The following USP36 variants were observed in gnomAD, a reference collection of about 807,000 sequenced individuals.
USP36 encodes ubiquitin specific peptidase 36, also known as ubiquitin carboxyl-terminal hydrolase 36.
In USP36, 59 loss-of-function variants were observed where a neutral mutation model predicts 111.5. That is an observed-to-expected ratio of 0.53 (90% CI 0.43 to 0.66). USP36 has a LOEUF of 0.66. USP36 is among the 30% of genes least tolerant of loss of function. USP36 has a pLI of 0.00. For missense variants in USP36, 1,488 were observed against 1,468.0 expected, an observed-to-expected ratio of 1.01 and a Z score of -0.22; for synonymous variants, 628 against 581.0, an observed-to-expected ratio of 1.08 and a Z score of -1.16.
At chr17:78,829,885 C>T (rs2067925781) in intron 4 of USP36, among the ~76,000 whole-genome samples, 1 of 152,184 alleles carries the variant, frequency 6.6e-6, no homozygotes, top group South Asian at 2.1e-4. Flanking sequence ...GGACTACAGG[C>T]TCGTGCCACC....
chr17:78,822,126 C>T, intron 6 of USP36, 122 bp from the exon 7 acceptor site: 1 of 1,127,762 alleles, frequency 8.9e-7, no homozygotes, highest in South Asian at 1.3e-5. Flanking sequence ...AAACTCCACC[C>T]CCCACCCGAG....
intron 2 of USP36, 139 bp downstream of exon 2, chr17:78,838,448 G>A (rs1249540331): frequency 6.6e-6 from 1 of 150,670 alleles, no homozygotes; most frequent in Non-Finnish European, 1.5e-5. Flanking sequence ...AGCATTATAA[G>A]TTGTCTGATT....
chr17:78,832,385 T>C (rs989266315), intron 4 of USP36, among the ~76,000 whole-genome samples: 2 of 151,978 alleles, frequency 1.3e-5, no homozygotes, highest in Admixed American at 1.3e-4. Context: ...TCCAGTGGGG[T>C]GCAGGAAAAA....
intron 13 of USP36, among the ~76,000 whole-genome samples, chr17:78,808,384 AG>A (rs1258824102): frequency 6.6e-6 from 1 of 152,090 alleles, no homozygotes; most frequent in African/African-American, 2.4e-5. Flanking sequence ...CCAACTGGCT[AG>A]GACTATAGGA....
chr17:78,832,112 A>G (rs1599099015), intron 4 of USP36, among the ~76,000 whole-genome samples: 3 of 152,330 alleles, frequency 2.0e-5, no homozygotes, highest in Admixed American at 2.0e-4. Context: ...AAGTCAATCC[A>G]TGACTACACG....
chr17:78,798,440 T>G lies in USP36; in HGVS notation c.3352A>C (p.Ser1118Arg). Residue 1118 changes from serine (S) to arginine (R), a missense_variant, in exon 20 of 21, where the codon AGC (serine) becomes CGC (arginine). By Grantham distance (110) the Ser-to-Arg change is moderately radical. This residue lies in a region of USP36 where 1,073 missense variants were observed against 994.1 expected (regional missense o/e 1.08). Coordinates refer to ENST00000449938, the MANE Select transcript of USP36 (RefSeq NM_001385174.1). This position sits in a 1 kb window ranked among gnomAD's most constrained non-coding sequence, Gnocchi z 5.1. ...CACAGTCAGCGGCGATAGCTGAGGC[T>G]GGCAGCCTTTGCTGGGTGAGTCACA... Reference protein sequence around the residue: ...WSVTHPAKAASLSYRR With the variant: ...WSVTHPAKAARLSYRR 1 of 1,614,150 alleles carries G rather than the reference T, an allele frequency of 6.2e-7. No homozygotes were observed. The highest frequency in any genetic ancestry group is 8.5e-7 in the Non-Finnish European group (1 of 1,180,026).
intron 17 of USP36, among the ~76,000 whole-genome samples, chr17:78,799,981 G>A (rs2093700872): frequency 6.8e-6 from 1 of 148,136 alleles, no homozygotes; most frequent in African/African-American, 2.5e-5. Context: ...CAAGGTGCTG[G>A]GATTACAGGC....
In USP36 at chr17:78,812,925, C is replaced by A. The variant is rs1349856435; in HGVS notation, c.1342G>T (p.Val448Leu). ...GSSSLPGRPS[V>L]IPDHSKKNIG... ...TTCTTCTTGGAGTGATCTGGAATCA[C>A]ACTCGGGCGGCCGGGAAGGGAGGAG... is the stretch of plus-strand genomic sequence containing the variant. The change falls in exon 13 of 21, where the codon GTG becomes TTG. Residue 448 changes from valine to leucine, a missense_variant. Physicochemically the swap from Val to Leu is conservative, Grantham distance 32. Transcript: ENST00000449938. 6.2e-7 allele frequency: 1 copy of A among 1,613,936 alleles called. No individual in the cohort carries two copies. Among genetic ancestry groups the A allele is most frequent in the South Asian group, 1.1e-5 (1 of 91,076 alleles).
At chr17:78,800,238 T>C (rs1156253062) in intron 17 of USP36, among the ~76,000 whole-genome samples, 2 of 151,894 alleles carry the variant, frequency 1.3e-5, no homozygotes, top group African/African-American at 2.4e-5. Context: ...CCACCTCACC[T>C]ACGGGAGAGG....
At chr17:78,826,657 T>A (rs937419670) in intron 6 of USP36, 14 of 172,024 alleles carry the variant, frequency 8.1e-5, no homozygotes, top group African/African-American at 3.3e-4. Context: ...TTTTCTTTGG[T>A]CTGAACCTAT....
intron 4 of USP36, among the ~76,000 whole-genome samples, chr17:78,834,270 C>G (rs2068435404): frequency 1.3e-5 from 2 of 151,146 alleles, no homozygotes; most frequent in South Asian, 2.1e-4. Context: ...ACAGAAATAA[C>G]ATTGTCTCTG....
chr17:78,833,345 G>C (rs1237410778), intron 4 of USP36, among the ~76,000 whole-genome samples: 1 of 151,852 alleles, frequency 6.6e-6, no homozygotes, highest in Non-Finnish European at 1.5e-5. Context: ...GCAGTGGTGT[G>C]ATCTCAGCTC....
intron 7 of USP36, chr17:78,821,272 A>C: frequency 2.0e-6 from 1 of 505,740 alleles, no homozygotes. Context: ...CTTTGCACTC[A>C]CAGGGCCCTC....
downstream of USP36, among the ~76,000 whole-genome samples, chr17:78,794,681 T>C (rs2093608596): frequency 2.0e-5 from 3 of 152,054 alleles, no homozygotes; most frequent in African/African-American, 7.2e-5. Context: ...CCCAGCACTT[T>C]GGGAGGCCAA....
chr17:78,798,846 G>A lies in USP36; in HGVS notation c.3240+62C>T. On this transcript the variant is annotated intron_variant, in intron 19 of 20. Transcript: ENST00000449938. This position sits in a 1 kb window ranked among gnomAD's most constrained non-coding sequence, Gnocchi z 5.1. ...ACTGCCGCCACCTCCAACTGCCCCG[G>A]CTCTGAGCTGAGCCACGCCGCCCTG... is the stretch of plus-strand genomic sequence containing the variant. 2 of 1,586,562 alleles carry A rather than the reference G, an allele frequency of 1.3e-6. No individual in the cohort carries two copies. Among genetic ancestry groups the A allele is most frequent in the South Asian group, 1.1e-5 (1 of 90,278 alleles).
At chr17:78,811,173 G>GGGTCCACCCCACTTCAAATGATCACT (rs2094046363) in intron 13 of USP36, among the ~76,000 whole-genome samples, 1 of 137,564 alleles carries the variant, frequency 7.3e-6, no homozygotes, top group African/African-American at 2.7e-5. Context: ...TCATCAAGAG[G>GGGTCCACCCCACTTCAAATGATCACT]GTCCACCCCA....
At chr17:78,821,899 T>A in intron 7 of USP36, 38 bp downstream of exon 7, 1 of 1,612,248 alleles carries the variant, frequency 6.2e-7, no homozygotes, top group South Asian at 1.1e-5. Flanking sequence ...CATGTTCTAA[T>A]CCTGGCAAGA....
rs2093664626 is a variant in USP36, at chr17:78,798,387, C to A, written c.*20+13G>T. 6.2e-6 allele frequency: 10 copies of A among 1,613,362 alleles called. No individual in the cohort carries two copies. The highest frequency in any genetic ancestry group is 8.5e-6 in the Non-Finnish European group (10 of 1,179,972). The stretch of plus-strand genomic sequence containing the variant: ...CCCCACCTCACCCTTACACCCACCC[C>A]CTCGGAACCGACCTCCTTCCACAGG... On this transcript the variant is annotated intron_variant, in intron 20 of 20. Transcript: ENST00000449938. This position sits in a 1 kb window ranked among gnomAD's most constrained non-coding sequence, Gnocchi z 5.1.
At chr17:78,815,888 C>T (rs2094172229) in intron 10 of USP36, among the ~76,000 whole-genome samples, 1 of 152,016 alleles carries the variant, frequency 6.6e-6, no homozygotes, top group Non-Finnish European at 1.5e-5. Context: ...CATACATGCA[C>T]AACACATACA....
Sources: gnomAD v4.1 joint callset for allele counts (sites outside exome capture counted in the v4.1 genomes callset) on GRCh38, gnomAD v4.1.1 for gene constraint, gnomAD v4.1.1 regional missense constraint, Gnocchi (gnomAD v3.1) non-coding constraint, MANE v1.5 for transcripts, NCBI Gene and HGNC (gene_info 2026-07-23, HGNC 2026-07-21) for gene names.